The following DNAAF11 variants were observed in gnomAD, a reference collection of about 807,000 sequenced individuals.
DNAAF11 encodes the protein dynein axonemal assembly factor 11.
A neutral mutation model predicts 60.8 loss-of-function variants in DNAAF11; 45 were observed. The ratio of observed to expected loss-of-function variants is 0.74; its 90% CI spans 0.58 to 0.95. DNAAF11 has a LOEUF of 0.95. DNAAF11 is among the 40% of genes least tolerant of loss of function. DNAAF11 has a pLI of 0.00. For missense variants in DNAAF11, 546 were observed against 546.2 expected, an observed-to-expected ratio of 1.00 and a Z score of 0.00; for synonymous variants, 191 against 183.5, an observed-to-expected ratio of 1.04 and a Z score of -0.33.
chr8:132,632,655 G>A lies in DNAAF11; in HGVS notation c.653+85C>T, dbSNP rs1037196360. 26 of 876,234 alleles carry A rather than the reference G, an allele frequency of 3.0e-5. No homozygotes were observed. In the Admixed American group the frequency reaches 4.9e-4, roughly 16 times the overall value. The allele number at this position is 876,234 out of a possible 1,614,324, so 54.3% of individuals were successfully genotyped here. On this transcript the variant is annotated intron_variant, in intron 5 of 11. Coordinates refer to ENST00000620350, the MANE Select transcript of DNAAF11 (RefSeq NM_012472.6). ...TTCTTCAAATTAATCTGGAATATAA[G>A]TGTACTGCAAACAACTTGGAAAGAG...
intron 1 of DNAAF11, 53 bp downstream of exon 1, chr8:132,675,431 G>A: frequency 6.5e-7 from 1 of 1,544,112 alleles, no homozygotes; most frequent in South Asian, 1.2e-5. Flanking sequence ...ACGAGACCCG[G>A]GACTACTTCC....
intron 1 of DNAAF11, among the ~76,000 whole-genome samples, chr8:132,669,350 C>T (rs570991313): frequency 1.3e-5 from 2 of 152,288 alleles, no homozygotes; most frequent in South Asian, 4.1e-4. Flanking sequence ...GTAGGCAGAA[C>T]ATAGATAGTG....
At chr8:132,626,945 G>T (rs62514509) in intron 5 of DNAAF11, among the ~76,000 whole-genome samples, 2 of 152,020 alleles carry the variant, frequency 1.3e-5, no homozygotes, top group South Asian at 2.1e-4. Context: ...ACTTTTCAAA[G>T]GGATGAACTG....
intron 1 of DNAAF11, among the ~76,000 whole-genome samples, chr8:132,667,016 C>T (rs1233970273): frequency 1.3e-5 from 2 of 152,086 alleles, no homozygotes; most frequent in African/African-American, 4.8e-5. Context: ...GTAAATTATG[C>T]GGCATTCATT....
chr8:132,671,014 T>C (rs1484470809), intron 1 of DNAAF11, among the ~76,000 whole-genome samples: 2 of 152,090 alleles, frequency 1.3e-5, no homozygotes, highest in Admixed American at 6.5e-5. Context: ...AGAGAAAGAC[T>C]CTTCCCGTAA....
rs769547620 is a variant in DNAAF11 at position 132,632,847 on chromosome 8, T to C, written c.546A>G (p.Lys182=). ...QEKDHCLKRA[K]LKEEAQRKHQ... is the part of the protein sequence containing the mutation. ...GTTTCCTCTGAGCCTCTTCCTTGAG[T>C]TTGGCTCGTTTAAGACAGTGATCTT... Residue 182 remains lysine, a synonymous_variant, in exon 5 of 12, where the codon AAA becomes AAG. Transcript: ENST00000620350. 3 of 1,613,786 alleles carry C rather than the reference T, an allele frequency of 1.9e-6. No homozygotes were observed. Among genetic ancestry groups the C allele is most frequent in the Non-Finnish European group, 2.5e-6 (3 of 1,179,712 alleles).
At chr8:132,669,940 CAAAAAAAAAAA>C (rs35402875) in intron 1 of DNAAF11, among the ~76,000 whole-genome samples, 6 of 69,774 alleles carry the variant, frequency 8.6e-5, no homozygotes, top group Middle Eastern at 9.8e-3. Context: ...GACTCCGTCT[CAAAAAAAAAAA>C]AAAAAAAAAA....
At position 132,571,603 on chromosome 8, in the gene DNAAF11, A is replaced by G. The variant is rs1378505375; in HGVS notation, c.*703T>C. Among the ~76,000 whole-genome samples the G allele has an allele frequency of 2.0e-5, 3 of 151,994 alleles. No homozygotes were observed. Among genetic ancestry groups the G allele is most frequent in the Non-Finnish European group, 2.9e-5 (2 of 67,980 alleles). ...AAAGGGAGGAGAAGAGAGAGGAGAA[A>G]GGGAAGAAGGAGAGAGAGAAGAGGC... On this transcript the variant is annotated 3_prime_UTR_variant, in exon 12 of 12. Coordinates refer to ENST00000620350, the MANE Select transcript of DNAAF11 (RefSeq NM_012472.6).
chr8:132,587,280 T>C (rs921217461), intron 10 of DNAAF11, among the ~76,000 whole-genome samples: 1 of 152,186 alleles, frequency 6.6e-6, no homozygotes, highest in African/African-American at 2.4e-5. Flanking sequence ...TTTCAGCTCA[T>C]TTAGTTTCAA....
intron 6 of DNAAF11, among the ~76,000 whole-genome samples, chr8:132,624,136 G>GTA (rs1820025203): frequency 6.6e-6 from 1 of 152,142 alleles, no homozygotes; most frequent in Non-Finnish European, 1.5e-5. Context: ...GTGTGTATGG[G>GTA]TATATATGTA....
the DNAAF11 span, chr8:132,687,376 A>G: frequency 3.5e-6 from 1 of 285,170 alleles, no homozygotes. Context: ...ACACAGAAAA[A>G]GATCTCTGCC....
In DNAAF11 at chr8:132,661,669, G is replaced by T. The variant is rs777502444; in HGVS notation, c.11-42C>A. 1.3e-6 allele frequency: 2 copies of T among 1,568,398 alleles called. 1 individual carries two copies. The highest frequency in any genetic ancestry group is 3.3e-4 in the Middle Eastern group (2 of 5,978). ...TACATATTACATTTCTGTCCCCATT[G>T]TTCAATATAAGATTATTGTGTTGTT... is the stretch of plus-strand genomic sequence containing the variant. On this transcript the variant is annotated intron_variant, in intron 1 of 11. Coordinates refer to ENST00000620350, the MANE Select transcript of DNAAF11 (RefSeq NM_012472.6).
chr8:132,654,135 C>T (rs1189298179), intron 3 of DNAAF11, among the ~76,000 whole-genome samples: 1 of 151,810 alleles, frequency 6.6e-6, no homozygotes, highest in Non-Finnish European at 1.5e-5. Context: ...ATATTAATAC[C>T]AGACAAAATA....
intron 10 of DNAAF11, among the ~76,000 whole-genome samples, chr8:132,607,401 G>A (rs926577465): frequency 2.0e-5 from 3 of 152,150 alleles, no homozygotes; most frequent in African/African-American, 7.2e-5. Context: ...ACCTAGGATT[G>A]CACAGCTAGC....
At chr8:132,598,083 C>T (rs1477550260) in intron 10 of DNAAF11, among the ~76,000 whole-genome samples, 2 of 152,162 alleles carry the variant, frequency 1.3e-5, no homozygotes, top group Non-Finnish European at 2.9e-5. Context: ...AAGGCAACAT[C>T]AGAATTTCAT....
rs1463013907 is a variant in DNAAF11 at position 132,570,484 on chromosome 8, CTA to C, written c.*1820_*1821del. ...TCAAAAGTATAATTTTGCTTTCTCT[CTA>C]TGTGGAAATTAAATACAGTCCTGAC... is the stretch of plus-strand genomic sequence containing the variant. On this transcript the variant is annotated 3_prime_UTR_variant, in exon 12 of 12. Transcript: ENST00000620350. 6.6e-6 allele frequency among the ~76,000 whole-genome samples: 1 copy of C among 152,136 alleles called. No individual in the cohort carries two copies.
chr8:132,681,361 T>C, the DNAAF11 span, among the ~76,000 whole-genome samples: 1 of 150,010 alleles, frequency 6.7e-6, no homozygotes, highest in African/African-American at 2.5e-5. Flanking sequence ...CATAGATGGT[T>C]ACCCTAAAAA....
intron 3 of DNAAF11, among the ~76,000 whole-genome samples, chr8:132,651,439 A>G (rs1430467752): frequency 2.0e-5 from 3 of 152,114 alleles, no homozygotes; most frequent in Non-Finnish European, 4.4e-5. Context: ...CATATTTGCC[A>G]GCAGATAGGA....
chr8:132,609,687 T>TAGCAC (rs1818463296), intron 10 of DNAAF11, among the ~76,000 whole-genome samples: 1 of 152,136 alleles, frequency 6.6e-6, no homozygotes, highest in Non-Finnish European at 1.5e-5. Context: ...AGTGCACATC[T>TAGCAC]TATGGAAGAA....
Sources: gnomAD v4.1 joint callset for allele counts (sites outside exome capture counted in the v4.1 genomes callset) on GRCh38, gnomAD v4.1.1 for gene constraint, MANE v1.5 for transcripts, NCBI Gene and HGNC (gene_info 2026-07-23, HGNC 2026-07-21) for gene names.